The following ATXN10 variants were observed in gnomAD, a reference collection of about 807,000 sequenced individuals.
The protein encoded by ATXN10 is ataxin 10, also known as ataxin-10.
Under a neutral mutation model 52.9 loss-of-function variants are expected in ATXN10, and 28 were observed. The ratio of observed to expected loss-of-function variants is 0.53; its 90% CI spans 0.39 to 0.73. The LOEUF (loss-of-function observed/expected upper bound fraction) is 0.73. Ranked by LOEUF, ATXN10 falls within the 30% of genes least tolerant of loss-of-function variation. ATXN10 has a pLI of 0.00. For missense variants in ATXN10, 565 were observed against 577.0 expected (o/e 0.98, Z 0.21); for synonymous variants, 226 against 221.5 (o/e 1.02, Z -0.18).
chr22:45,729,344 T>C, intron 6 of ATXN10, 81 bp from the exon 7 acceptor site: 2 of 1,407,920 alleles, frequency 1.4e-6, no homozygotes, highest in Non-Finnish European at 2.0e-6. Flanking sequence ...AATATTCCCT[T>C]AAAGTTGCTT....
intron 9 of ATXN10, among the ~76,000 whole-genome samples, chr22:45,751,499 T>C (rs775941392): frequency 7.2e-5 from 11 of 151,954 alleles, no homozygotes; most frequent in Non-Finnish European, 1.2e-4. Context: ...TCCACTGTTA[T>C]ATGTGTTTTT....
chr22:45,682,187 C>T lies in ATXN10; in HGVS notation c.117-7525C>T, dbSNP rs572953547. Among the ~76,000 whole-genome samples the T allele has an allele frequency of 3.5e-4, 53 of 152,318 alleles. No individual in the cohort carries two copies. The South Asian group carries it at 8.9e-3, about 26-fold the overall frequency. On this transcript the variant is annotated intron_variant, in intron 1 of 11. Coordinates refer to ENST00000252934, the MANE Select transcript of ATXN10 (RefSeq NM_013236.4). ...CATTTCCCTGAGTGATAATCCTTCC[C>T]GGATCTCAGAACTCAGTCCTCAGAC...
chr22:45,687,351 A>G (rs928202237), intron 1 of ATXN10, among the ~76,000 whole-genome samples: 7 of 152,180 alleles, frequency 4.6e-5, no homozygotes, highest in Non-Finnish European at 1.5e-5. Flanking sequence ...CTAGATACCA[A>G]TTTTGAGTAA....
In ATXN10 at chr22:45,823,066, TAAATA is replaced by T. The variant is rs1303750091; in HGVS notation, c.1237+16045_1237+16049del. On this transcript the variant is annotated intron_variant, in intron 10 of 11. Transcript: ENST00000252934. The surrounding 1 kb of genome is among the most constrained non-coding windows in gnomAD (Gnocchi z 4.9). ...CTTATTATTTCATTGAGGTATAACT[TAAATA>T]GAGTAAACTGCAAAATTTTTAAGTA... 6.8e-6 allele frequency: 3 copies of T among 440,344 alleles called. No homozygotes were observed. Among genetic ancestry groups the T allele is most frequent in the African/African-American group, 6.2e-5 (3 of 48,640 alleles). The allele number at this position is 440,344 out of a possible 1,614,324, so 27.3% of individuals were successfully genotyped here. A position where few individuals can be genotyped will look rare whatever the true frequency, so the allele number is the denominator to read the frequency against.
At position 45,684,855 on chromosome 22, in the gene ATXN10, A is replaced by G. The variant is rs1601587336; in HGVS notation, c.117-4857A>G. Among the ~76,000 whole-genome samples the G allele has an allele frequency of 6.6e-6, 1 of 152,204 alleles. No homozygotes were observed. Among genetic ancestry groups the G allele is most frequent in the Admixed American group, 6.5e-5 (1 of 15,300 alleles). ...TGTGGCAGGAGATACAGATGTTTTT[A>G]TTTTCTGTTTTTGTTCAATCCTGCC... is the stretch of plus-strand genomic sequence containing the variant. On this transcript the variant is annotated intron_variant, in intron 1 of 11. Transcript: ENST00000252934. The surrounding 1 kb of genome is among the most constrained non-coding windows in gnomAD (Gnocchi z 4.1).
intron 7 of ATXN10, 53 bp downstream of exon 7, chr22:45,729,643 T>C: frequency 6.3e-7 from 1 of 1,588,722 alleles, no homozygotes; most frequent in Non-Finnish European, 8.6e-7. Context: ...ACAGATTTTC[T>C]AACTCAGCCA....
chr22:45,809,120 G>T (rs367602326), intron 10 of ATXN10, among the ~76,000 whole-genome samples: 11 of 152,294 alleles, frequency 7.2e-5, no homozygotes, highest in African/African-American at 2.6e-4. Context: ...ACAGCCTAGA[G>T]ATTCAGTTTT....
chr22:45,832,639 A>G (rs1929030903), intron 10 of ATXN10, among the ~76,000 whole-genome samples: 1 of 152,264 alleles, frequency 6.6e-6, no homozygotes, highest in African/African-American at 2.4e-5. Flanking sequence ...CTTCGTATTT[A>G]TTAAATGAAT....
chr22:45,793,976 C>T (rs1181629569), intron 9 of ATXN10, among the ~76,000 whole-genome samples: 1 of 152,240 alleles, frequency 6.6e-6, no homozygotes, highest in African/African-American at 2.4e-5. Flanking sequence ...GACAGGTCTG[C>T]ACTCATATTT....
At chr22:45,695,633 A>G (rs1416157634) in intron 3 of ATXN10, among the ~76,000 whole-genome samples, 1 of 151,634 alleles carries the variant, frequency 6.6e-6, no homozygotes, top group Non-Finnish European at 1.5e-5. Context: ...AGCTGGGATT[A>G]CAGGCGCCTG....
At chr22:45,748,139 A>G (rs1344540716) in intron 9 of ATXN10, among the ~76,000 whole-genome samples, 1 of 151,880 alleles carries the variant, frequency 6.6e-6, no homozygotes, top group Non-Finnish European at 1.5e-5. Context: ...TGATCGTGCC[A>G]CTGCACTCTA....
chr22:45,675,639 C>T (rs1374795620), intron 1 of ATXN10: 1 of 152,278 alleles, frequency 6.6e-6, no homozygotes, highest in East Asian at 1.9e-4. Flanking sequence ...AGCAGGTCCT[C>T]TGAGCTCCAG....
chr22:45,672,135 G>A lies in ATXN10; in HGVS notation c.72G>A (p.Glu24=). The A allele has an allele frequency of 6.5e-7, 1 of 1,540,216 alleles. No individual in the cohort carries two copies. The highest frequency in any genetic ancestry group is 8.7e-7 in the Non-Finnish European group (1 of 1,145,474). The change falls in exon 1 of 12, where the codon GAG becomes GAA. Residue 24 remains glutamate (E), a synonymous_variant. Transcript: ENST00000252934. The part of the protein sequence containing the change: ...VMVPAPIQDL[E]ALRALTALFK... ...TGCCGGCGCCCATCCAAGACCTGGA[G>A]GCCCTGCGCGCGCTCACGGCGCTCT...
intron 6 of ATXN10, among the ~76,000 whole-genome samples, chr22:45,721,149 G>A (rs1924634923): frequency 6.6e-6 from 1 of 152,086 alleles, no homozygotes; most frequent in Non-Finnish European, 1.5e-5. Flanking sequence ...GGGAAATTTT[G>A]GATATAGACT....
chr22:45,706,173 G>T (rs1924034667), intron 5 of ATXN10, among the ~76,000 whole-genome samples: 1 of 152,158 alleles, frequency 6.6e-6, no homozygotes, highest in African/African-American at 2.4e-5. Flanking sequence ...GGGACCACTG[G>T]TCTAGGCTGT....
intron 3 of ATXN10, among the ~76,000 whole-genome samples, chr22:45,698,011 G>C (rs953276007): frequency 6.6e-6 from 1 of 152,114 alleles, no homozygotes; most frequent in East Asian, 1.9e-4. Flanking sequence ...ATAATACTCC[G>C]TTGTTTTGAT....
rs1369527518 is a variant in ATXN10, at chr22:45,733,994, A to G, written c.894+4404A>G. ...TGTATATTCATTGTATGTTTTTAAT[A>G]GTTGAATAATATTTAACTATATAGA... On this transcript the variant is annotated intron_variant, in intron 7 of 11. Transcript: ENST00000252934. This position sits in a 1 kb window ranked among gnomAD's most constrained non-coding sequence, Gnocchi z 4.4. 2.0e-5 allele frequency among the ~76,000 whole-genome samples: 3 copies of G among 152,110 alleles called. No individual in the cohort carries two copies. The highest frequency in any genetic ancestry group is 4.4e-5 in the Non-Finnish European group (3 of 68,022).
chr22:45,695,597 G>A (rs998312960), intron 3 of ATXN10, among the ~76,000 whole-genome samples: 2 of 151,068 alleles, frequency 1.3e-5, no homozygotes, highest in African/African-American at 2.4e-5. Context: ...GGGTTCAAGC[G>A]ATTCTCCTGC....
In ATXN10 at chr22:45,705,460, G is replaced by A. The variant is rs1924002206; in HGVS notation, c.647+2613G>A. Among the ~76,000 whole-genome samples, 1 of 151,650 alleles carries A rather than the reference G, an allele frequency of 6.6e-6. No individual in the cohort carries two copies. The highest frequency in any genetic ancestry group is 6.6e-5 in the Admixed American group (1 of 15,248). On this transcript the variant is annotated intron_variant, in intron 5 of 11. Coordinates refer to ENST00000252934, the MANE Select transcript of ATXN10 (RefSeq NM_013236.4). The surrounding 1 kb of genome is among the most constrained non-coding windows in gnomAD (Gnocchi z 5.2). ...TCTTGGTTTTTTTTTTTGAGACGGAGTCTCACTCTGTTGCCCAGGCTGGAG... is the reference window on the plus strand; with the variant it reads ...TCTTGGTTTTTTTTTTTGAGACGGAATCTCACTCTGTTGCCCAGGCTGGAG...
Sources: allele counts gnomAD v4.1 joint callset (sites outside exome capture counted in the v4.1 genomes callset), GRCh38; gene constraint gnomAD v4.1.1; non-coding constraint Gnocchi (gnomAD v3.1); transcripts MANE v1.5; gene names NCBI Gene and HGNC (gene_info 2026-07-23, HGNC 2026-07-21).